The following ANO7 variants were observed in gnomAD, a reference collection of about 807,000 sequenced individuals.
ANO7 encodes the protein anoctamin 7.
In ANO7, 114 loss-of-function variants were observed where a neutral mutation model predicts 115.8. The observed-to-expected ratio is 0.98, with a 90% confidence interval of 0.85 to 1.15. The LOEUF is 1.15. Ranked by LOEUF, ANO7 falls within the 50% of genes most tolerant of loss-of-function variation. The pLI is 0.00. For missense variants in ANO7, 1,302 were observed against 1,201.2 expected (o/e 1.08, Z -1.24); for synonymous variants, 550 against 498.2 (o/e 1.10, Z -1.38).
At chr2:241,239,171 A>G in the ANO7 span, among the ~76,000 whole-genome samples, 1 of 152,186 alleles carries the variant, frequency 6.6e-6, no homozygotes, top group African/African-American at 2.4e-5. The surrounding 1 kb of genome is among the most constrained non-coding windows in gnomAD (Gnocchi z 4.6). Context: ...GACTGCTTCT[A>G]AAGACCACGT....
At chr2:241,235,270 G>A in the ANO7 span, 9 of 1,614,006 alleles carry the variant, frequency 5.6e-6, no homozygotes, top group Non-Finnish European at 6.8e-6. Flanking sequence ...GTGAAGAGGG[G>A]GCTGACTTGA....
At chr2:241,215,961 A>C in intron 18 of ANO7, 132 bp from the exon 19 acceptor site, 1 of 1,159,910 alleles carries the variant, frequency 8.6e-7, no homozygotes. Context: ...TCAGCCCCAG[A>C]CCCCATCCCT....
At chr2:241,226,012 C>T (rs187311736), downstream of ANO7, among the ~76,000 whole-genome samples, 4 of 152,252 alleles carry the variant, frequency 2.6e-5, no homozygotes, top group East Asian at 7.7e-4. Flanking sequence ...TACGAAAATG[C>T]TCAGTTCATA....
chr2:241,227,069 T>A (rs569379951), downstream of ANO7, among the ~76,000 whole-genome samples: 36 of 152,242 alleles, frequency 2.4e-4, no homozygotes, highest in African/African-American at 8.7e-4. Flanking sequence ...CTGCTGACTG[T>A]CTGGCAGCCA....
chr2:241,223,628 T>G, intron 22 of ANO7, 34 bp from the exon 23 acceptor site: 1 of 1,605,344 alleles, frequency 6.2e-7, no homozygotes, highest in African/African-American at 1.3e-5. Flanking sequence ...CTCTGGGCGT[T>G]TGGGTGGGCG....
chr2:241,236,977 T>TGGGGGGG, the ANO7 span, among the ~76,000 whole-genome samples: 1 of 108,198 alleles, frequency 9.2e-6, no homozygotes, highest in African/African-American at 3.9e-5. Flanking sequence ...TCCCAGACCT[T>TGGGGGGG]GGGGGGGGGG....
intron 18 of ANO7, 86 bp downstream of exon 18, chr2:241,214,988 A>G: frequency 4.0e-6 from 5 of 1,246,650 alleles, no homozygotes; most frequent in Non-Finnish European, 5.6e-6. Flanking sequence ...GCCCGGCCCT[A>G]GCTGGGAGAA....
At chr2:241,237,805 T>C in the ANO7 span, among the ~76,000 whole-genome samples, 3 of 152,228 alleles carry the variant, frequency 2.0e-5, no homozygotes, top group Admixed American at 2.0e-4. Flanking sequence ...TGAAATTCTA[T>C]CAAAATCAAA....
chr2:241,230,683 C>G (rs2069634616), downstream of ANO7: 1 of 1,288,436 alleles, frequency 7.8e-7, no homozygotes, highest in Non-Finnish European at 1.1e-6. The surrounding 1 kb of genome is among the most constrained non-coding windows in gnomAD (Gnocchi z 5.0). Context: ...AAGGCCATGC[C>G]CTGCTCTTTC....
At chr2:241,194,123 C>T (rs2068265116) in intron 3 of ANO7, among the ~76,000 whole-genome samples, 1 of 152,002 alleles carries the variant, frequency 6.6e-6, no homozygotes, top group Non-Finnish European at 1.5e-5. Context: ...GATCTGCCTG[C>T]CTCGGCCTCC....
chr2:241,230,690 T>G (rs2069636406), downstream of ANO7: 17 of 1,404,208 alleles, frequency 1.2e-5, no homozygotes, highest in Non-Finnish European at 1.4e-5. The surrounding 1 kb of genome is among the most constrained non-coding windows in gnomAD (Gnocchi z 5.0). Context: ...TGCCCTGCTC[T>G]TTCTTCTGGC....
intron 21 of ANO7, among the ~76,000 whole-genome samples, 190 bp from the exon 22 acceptor site, chr2:241,222,996 T>TA (rs1284379302): frequency 9.9e-5 from 15 of 152,148 alleles, no homozygotes; most frequent in Admixed American, 2.0e-4. Context: ...ACCCACCAGT[T>TA]AAAGGTATTG....
In ANO7 at chr2:241,223,249, C is replaced by A. The variant is rs376946977; in HGVS notation, c.2385C>A (p.Ile795=). 1 of 1,614,148 alleles carries A rather than the reference C, an allele frequency of 6.2e-7. No individual in the cohort carries two copies. Among genetic ancestry groups the A allele is most frequent in the Non-Finnish European group, 8.5e-7 (1 of 1,180,056 alleles). The part of the protein sequence containing the change: ...YSQTYWNLLA[I]RLAFVIVFEH... Reference sequence around the variant, plus strand: ...AGACCTACTGGAATCTTCTTGCCATCCGCCTGGCCTTCGTCATTGTGTTTG... The same window carrying A: ...AGACCTACTGGAATCTTCTTGCCATACGCCTGGCCTTCGTCATTGTGTTTG... Residue 795 remains isoleucine, a synonymous_variant, in exon 22 of 25, where the codon ATC becomes ATA. Coordinates refer to ENST00000674324, the MANE Select transcript of ANO7 (RefSeq NM_001370694.2).
chr2:241,230,891 C>T, downstream of ANO7: 1 of 1,614,164 alleles, frequency 6.2e-7, no homozygotes, highest in Non-Finnish European at 8.5e-7. This position sits in a 1 kb window ranked among gnomAD's most constrained non-coding sequence, Gnocchi z 5.0. Flanking sequence ...GTATAGCATC[C>T]CTGGCAGCTT....
chr2:241,210,596 AC>A (rs536929679), intron 15 of ANO7, 26 bp downstream of exon 15: 174 of 1,603,014 alleles, frequency 1.1e-4, no homozygotes, highest in Non-Finnish European at 1.4e-4. Flanking sequence ...CCGGCCAGGC[AC>A]TGACCAGGGG....
intron 3 of ANO7, among the ~76,000 whole-genome samples, chr2:241,192,055 G>C (rs575810590): frequency 6.6e-6 from 1 of 152,346 alleles, no homozygotes; most frequent in Admixed American, 6.5e-5. Context: ...CCACAGCCTG[G>C]GCCAGGCACA....
chr2:241,217,860 C>A lies in ANO7; in HGVS notation c.2147C>A (p.Ala716Glu). 1 of 1,592,718 alleles carries A rather than the reference C, an allele frequency of 6.3e-7. No homozygotes were observed. Among genetic ancestry groups the A allele is most frequent in the Non-Finnish European group, 8.5e-7 (1 of 1,172,180 alleles). ...QDIGIWFHIL[A>E]GLTHLAVISN... The stretch of plus-strand genomic sequence containing the variant: ...ATCGGCATCTGGTTCCACATCCTGG[C>A]GGGCCTCACGCACCTGGCGGTCATC... The change falls in exon 20 of 25, where the codon GCG becomes GAG. Residue 716 changes from alanine (A) to glutamate (E), a missense_variant. Physicochemically the swap from Ala to Glu is moderately radical, Grantham distance 107. Coordinates refer to ENST00000674324, the MANE Select transcript of ANO7 (RefSeq NM_001370694.2).
At chr2:241,208,726 T>C (rs2088402078) in intron 11 of ANO7, among the ~76,000 whole-genome samples, 2 of 152,108 alleles carry the variant, frequency 1.3e-5, no homozygotes, top group African/African-American at 4.8e-5. Context: ...TAACTCTAGG[T>C]CCAAAACCTC....
intron 18 of ANO7, 106 bp from the exon 19 acceptor site, chr2:241,215,987 A>G: frequency 2.8e-6 from 4 of 1,418,178 alleles, no homozygotes; most frequent in Non-Finnish European, 1.9e-6. Flanking sequence ...CTGCCCTTCA[A>G]TTGCAAAGCA....
Sources: gnomAD v4.1 joint callset for allele counts (sites outside exome capture counted in the v4.1 genomes callset) on GRCh38, gnomAD v4.1.1 for gene constraint, Gnocchi (gnomAD v3.1) non-coding constraint, MANE v1.5 for transcripts, NCBI Gene and HGNC (gene_info 2026-07-23, HGNC 2026-07-21) for gene names.